Variants in MMP26 observed in about 807,000 individuals in gnomAD.
MMP26 encodes the protein matrix metallopeptidase 26.
MMP26 carries 33 observed loss-of-function variants against 31.0 expected under a neutral mutation model. The observed-to-expected ratio is 1.06, with a 90% confidence interval of 0.81 to 1.42. The LOEUF is 1.42. Among genes scored for constraint, MMP26 ranks in the 40% most tolerant of loss-of-function variants. The pLI is 0.00. For synonymous variants in MMP26, 122 were observed against 114.9 expected, an observed-to-expected ratio of 1.06 and a Z score of -0.40; for missense variants, 347 against 316.1, an observed-to-expected ratio of 1.10 and a Z score of -0.74.
At chr11:4,990,797 CA>C (rs781218951) in intron 5 of MMP26, 51 bp downstream of exon 5, 9 of 1,534,586 alleles carry the variant, frequency 5.9e-6, no homozygotes, top group Admixed American at 1.9e-5. Context: ...GTGTAAAGGA[CA>C]AAGGGTTTCC....
chr11:4,839,753 A>C lies in MMP26; in HGVS notation c.-145+72412A>C, dbSNP rs147190610. Among the ~76,000 whole-genome samples, 465 of 151,864 alleles carry C rather than the reference A, an allele frequency of 3.1e-3. 1 individual carries two copies. Among genetic ancestry groups the C allele is most frequent in the African/African-American group, 0.011 (442 of 41,450 alleles). ...GACTTGCTGACTTCAGGTGAGATTC[A>C]GCACATTACCAGCTGTGCTGGCTAT... is the stretch of plus-strand genomic sequence containing the variant. On this transcript the variant is annotated intron_variant, in intron 2 of 7. Transcript: ENST00000380390.
chr11:4,759,892 T>A, intron 1 of MMP26, among the ~76,000 whole-genome samples: 1 of 152,216 alleles, frequency 6.6e-6, no homozygotes, highest in Non-Finnish European at 1.5e-5. Context: ...CCTGATATCC[T>A]TTCTGCATTC....
intron 2 of MMP26, among the ~76,000 whole-genome samples, chr11:4,862,286 A>G (rs1265700723): frequency 1.3e-5 from 2 of 152,182 alleles, no homozygotes. Flanking sequence ...TCCTACTAGA[A>G]GTTAAAACTT....
At chr11:4,836,625 C>CATTGAA (rs1224157650) in intron 2 of MMP26, among the ~76,000 whole-genome samples, 2 of 146,324 alleles carry the variant, frequency 1.4e-5, no homozygotes, top group Non-Finnish European at 3.0e-5. Flanking sequence ...AGAGATAGTG[C>CATTGAA]ATTGAATGCT....
chr11:4,730,941 A>G (rs920267664), intron 1 of MMP26, among the ~76,000 whole-genome samples: 2 of 151,788 alleles, frequency 1.3e-5, no homozygotes, highest in African/African-American at 2.4e-5. Context: ...ATTATTTATT[A>G]TTTATTTATT....
chr11:4,956,362 T>G (rs568496385), intron 2 of MMP26, among the ~76,000 whole-genome samples: 1 of 152,278 alleles, frequency 6.6e-6, no homozygotes, highest in East Asian at 1.9e-4. Flanking sequence ...TTTCTGAAAA[T>G]TGGAATAAAC....
At chr11:4,770,428 A>T (rs1379792297) in intron 2 of MMP26, among the ~76,000 whole-genome samples, 2 of 152,222 alleles carry the variant, frequency 1.3e-5, no homozygotes, top group Non-Finnish European at 2.9e-5. Context: ...TTCATCCAAC[A>T]CTATAGGTAA....
intron 2 of MMP26, among the ~76,000 whole-genome samples, chr11:4,936,246 A>C (rs1451816042): frequency 6.7e-6 from 1 of 150,258 alleles, no homozygotes; most frequent in African/African-American, 2.5e-5. Context: ...TTATTGCCAC[A>C]ATTTCAGCTC....
intron 2 of MMP26, chr11:4,908,301 G>T: frequency 6.2e-7 from 1 of 1,613,366 alleles, no homozygotes; most frequent in Non-Finnish European, 8.5e-7. Context: ...AATGTATGTG[G>T]GAGATAAGAA....
chr11:4,943,386 G>A (rs1354437145), intron 2 of MMP26: 1 of 402,572 alleles, frequency 2.5e-6, no homozygotes, highest in Non-Finnish European at 5.0e-6. Flanking sequence ...AACTTCTCTG[G>A]TATCAGATTG....
Position 4,946,476 on chromosome 11 carries a change from T to C in MMP26, c.-144-41592T>C, listed in dbSNP as rs1343949177. The C allele has an allele frequency of 5.6e-6, 9 of 1,610,380 alleles. No individual in the cohort carries two copies. In the East Asian group the frequency reaches 1.8e-4, roughly 32 times the overall value. Reference sequence around the variant, plus strand: ...ACAGCAATGAGAATAAAGTCTACCATAAGGCAGAGTGCTCCAAAAAAGCCA... The same window carrying C: ...ACAGCAATGAGAATAAAGTCTACCACAAGGCAGAGTGCTCCAAAAAAGCCA... On this transcript the variant is annotated intron_variant, in intron 2 of 7. Transcript: ENST00000380390.
At chr11:4,734,846 T>TATATAA (rs1296636856) in intron 1 of MMP26, among the ~76,000 whole-genome samples, 1 of 151,734 alleles carries the variant, frequency 6.6e-6, no homozygotes, top group Admixed American at 6.6e-5. Flanking sequence ...ATAGCATATT[T>TATATAA]TCAGCTTGTA....
At chr11:4,858,222 C>A (rs1850086392) in intron 2 of MMP26, among the ~76,000 whole-genome samples, 1 of 151,976 alleles carries the variant, frequency 6.6e-6, no homozygotes, top group African/African-American at 2.4e-5. Context: ...GAAGTTCTGG[C>A]CAGGGCAATC....
At chr11:4,902,370 A>T (rs1033144288) in intron 2 of MMP26, among the ~76,000 whole-genome samples, 1 of 152,022 alleles carries the variant, frequency 6.6e-6, no homozygotes, top group African/African-American at 2.4e-5. Flanking sequence ...AGAACACAGT[A>T]TCTGGTTTTC....
chr11:4,713,098 G>T (rs1164455411), intron 1 of MMP26, among the ~76,000 whole-genome samples: 1 of 152,048 alleles, frequency 6.6e-6, no homozygotes, highest in East Asian at 1.9e-4. Flanking sequence ...GGGAAAATGT[G>T]ATGTTTGTAC....
intron 1 of MMP26, among the ~76,000 whole-genome samples, chr11:4,708,223 C>G (rs1275529214): frequency 1.3e-5 from 2 of 152,166 alleles, no homozygotes; most frequent in Non-Finnish European, 2.9e-5. Flanking sequence ...AGATCCATAG[C>G]TTTTGTTTTG....
At chr11:4,740,881 G>T (rs762022959) in intron 1 of MMP26, among the ~76,000 whole-genome samples, 2 of 151,968 alleles carry the variant, frequency 1.3e-5, no homozygotes, top group Admixed American at 6.6e-5. Context: ...ATATTCCAGT[G>T]GCCTAAAAGC....
At chr11:4,745,914 A>C (rs1564899757) in intron 1 of MMP26, among the ~76,000 whole-genome samples, 1 of 152,156 alleles carries the variant, frequency 6.6e-6, no homozygotes, top group African/African-American at 2.4e-5. Flanking sequence ...AAGTTTCTTT[A>C]ATGTCTTTTC....
intron 2 of MMP26, chr11:4,945,866 T>C (rs1313636033): frequency 4.9e-6 from 2 of 405,594 alleles, no homozygotes; most frequent in Non-Finnish European, 9.0e-6. Flanking sequence ...ATCCAACTTC[T>C]GTCAGAGCTG....
Sources: allele counts gnomAD v4.1 joint callset (sites outside exome capture counted in the v4.1 genomes callset), GRCh38; gene constraint gnomAD v4.1.1; transcripts MANE v1.5; gene names NCBI Gene and HGNC (gene_info 2026-07-23, HGNC 2026-07-21).